RBFOX1: variants seen among roughly 807,000 people sequenced by gnomAD.
The protein encoded by RBFOX1 is RNA binding protein fox-1 homolog 1.
A neutral mutation model predicts 57.7 loss-of-function variants in RBFOX1; 8 were observed. That is an observed-to-expected ratio of 0.14 (90% CI 0.08 to 0.25). The LOEUF (loss-of-function observed/expected upper bound fraction) is 0.25. Among genes scored for constraint, RBFOX1 ranks in the 10% least tolerant of loss-of-function variants. RBFOX1 has a pLI of 1.00. For synonymous variants in RBFOX1, 326 were observed against 222.4 expected, an observed-to-expected ratio of 1.47 and a Z score of -4.15; for missense variants, 611 against 548.5, an observed-to-expected ratio of 1.11 and a Z score of -1.14.
intron 4 of RBFOX1, among the ~76,000 whole-genome samples, chr16:7,262,445 A>G (rs1350085481): frequency 6.6e-6 from 1 of 152,254 alleles, no homozygotes; most frequent in Non-Finnish European, 1.5e-5. Context: ...AAGGTAAATA[A>G]CTGGATATAT....
At chr16:7,693,365 C>A in intron 14 of RBFOX1, 1 of 1,608,716 alleles carries the variant, frequency 6.2e-7, no homozygotes, top group Non-Finnish European at 8.5e-7. Context: ...AACACCTCTG[C>A]AGGTAACAAA....
chr16:5,938,435 G>A (rs376968690), intron 4 of RBFOX1, among the ~76,000 whole-genome samples: 2 of 152,124 alleles, frequency 1.3e-5, no homozygotes, highest in South Asian at 4.1e-4. Flanking sequence ...GCTGCTGATG[G>A]TGATGGTCAT....
At chr16:7,429,843 A>T (rs2098661302) in intron 4 of RBFOX1, among the ~76,000 whole-genome samples, 2 of 152,192 alleles carry the variant, frequency 1.3e-5, no homozygotes, top group Admixed American at 6.5e-5. Context: ...TCCAACTAAT[A>T]ATTATTGAGA....
chr16:6,787,515 G>A (rs910293241), intron 3 of RBFOX1, among the ~76,000 whole-genome samples: 1 of 152,070 alleles, frequency 6.6e-6, no homozygotes, highest in African/African-American at 2.4e-5. Context: ...CTGTATGCTG[G>A]GCAATAGAAA....
At chr16:7,489,142 CTCTG>C (rs1488719253) in intron 4 of RBFOX1, among the ~76,000 whole-genome samples, 2 of 152,170 alleles carry the variant, frequency 1.3e-5, no homozygotes, top group Non-Finnish European at 2.9e-5. Flanking sequence ...GTTTCTCTGC[CTCTG>C]TCTGTCTCTG....
intron 14 of RBFOX1, among the ~76,000 whole-genome samples, chr16:7,679,088 G>C (rs574623504): frequency 6.6e-6 from 1 of 152,196 alleles, no homozygotes; most frequent in East Asian, 1.9e-4. Context: ...ATTCATTGAA[G>C]TAAATTAATT....
chr16:7,518,811 A>G (rs1386981108), intron 5 of RBFOX1, among the ~76,000 whole-genome samples: 1 of 152,110 alleles, frequency 6.6e-6, no homozygotes. Context: ...TCGTTTGAAG[A>G]CAGGAGTTCG....
intron 1 of RBFOX1, among the ~76,000 whole-genome samples, chr16:6,128,835 G>C (rs145441304): frequency 2.6e-5 from 4 of 152,270 alleles, no homozygotes; most frequent in African/African-American, 9.6e-5. Context: ...CCCAGAGTTG[G>C]GAGACCTTAT....
At chr16:7,345,586 T>G (rs1014001882) in intron 4 of RBFOX1, among the ~76,000 whole-genome samples, 3 of 152,114 alleles carry the variant, frequency 2.0e-5, no homozygotes, top group African/African-American at 7.2e-5. Context: ...TTGGATGTGT[T>G]CACCCATCAT....
intron 3 of RBFOX1, among the ~76,000 whole-genome samples, chr16:7,013,333 C>T (rs551814371): frequency 9.2e-5 from 14 of 152,268 alleles, no homozygotes; most frequent in South Asian, 6.2e-4. Flanking sequence ...TCATGTTATA[C>T]GTGCAATAAA....
intron 4 of RBFOX1, among the ~76,000 whole-genome samples, chr16:7,435,404 T>G (rs564468787): frequency 6.6e-6 from 1 of 152,116 alleles, no homozygotes; most frequent in African/African-American, 2.4e-5. Flanking sequence ...AAATGACTTA[T>G]CGCTGTTGAT....
At chr16:7,684,474 G>A (rs1483016528) in intron 14 of RBFOX1, among the ~76,000 whole-genome samples, 2 of 151,960 alleles carry the variant, frequency 1.3e-5, no homozygotes, top group African/African-American at 2.4e-5. Flanking sequence ...ACAGATTTCT[G>A]AAAGCTGAAA....
chr16:5,793,335 G>C (rs548991264), intron 3 of RBFOX1, among the ~76,000 whole-genome samples: 2 of 152,218 alleles, frequency 1.3e-5, no homozygotes, highest in African/African-American at 4.8e-5. Context: ...GTCTTTTCTT[G>C]TTTTGTCAAC....
intron 1 of RBFOX1, among the ~76,000 whole-genome samples, chr16:5,288,940 C>T (rs144480699): frequency 2.0e-5 from 3 of 152,150 alleles, no homozygotes; most frequent in East Asian, 3.9e-4. Flanking sequence ...TTGCGGCCAA[C>T]ATGGTGAAAC....
intron 3 of RBFOX1, among the ~76,000 whole-genome samples, chr16:5,624,065 A>C (rs1271905539): frequency 1.3e-5 from 2 of 152,208 alleles, no homozygotes; most frequent in African/African-American, 4.8e-5. Context: ...ACCCCATTTT[A>C]CAGAAGAGCA....
At chr16:5,914,391 G>A (rs1236759495) in intron 4 of RBFOX1, among the ~76,000 whole-genome samples, 2 of 152,198 alleles carry the variant, frequency 1.3e-5, no homozygotes, top group African/African-American at 2.4e-5. Flanking sequence ...CTGTCAGCCA[G>A]GGCTGCAGTC....
chr16:7,024,897 T>C (rs1201815774), intron 3 of RBFOX1, among the ~76,000 whole-genome samples: 1 of 152,156 alleles, frequency 6.6e-6, no homozygotes, highest in Non-Finnish European at 1.5e-5. Flanking sequence ...AGAAGTCACC[T>C]GCTGCACTCC....
chr16:6,450,839 G>GTA (rs1202016714), intron 2 of RBFOX1, among the ~76,000 whole-genome samples: 570 of 13,550 alleles, frequency 0.042, 15 homozygotes, highest in Middle Eastern at 0.071. Flanking sequence ...ATATATATGT[G>GTA]TATATATATA....
In RBFOX1 at chr16:6,773,831, T is replaced by C. The variant is rs954818258; in HGVS notation, c.-16+119181T>C. The C allele has an allele frequency of 3.1e-5, 11 of 356,376 alleles. No homozygotes were observed. In the Admixed American group the frequency reaches 6.5e-4, roughly 21 times the overall value. 22.1% of individuals were successfully genotyped at this position (356,376 alleles called of 1,614,324 possible). A position where few individuals can be genotyped will look rare whatever the true frequency, so the allele number is the denominator to read the frequency against. On this transcript the variant is annotated intron_variant, in intron 3 of 15. Coordinates refer to ENST00000550418, the MANE Select transcript of RBFOX1 (RefSeq NM_018723.4). Reference sequence around the variant, plus strand: ...TTGGTGCATTTGTGTTGTGGGGGCATGGGGTGCATTTGTGTGTATATATGT... The same window carrying C: ...TTGGTGCATTTGTGTTGTGGGGGCACGGGGTGCATTTGTGTGTATATATGT...
Sources: gnomAD v4.1 joint callset for allele counts (sites outside exome capture counted in the v4.1 genomes callset) on GRCh38, gnomAD v4.1.1 for gene constraint, MANE v1.5 for transcripts, NCBI Gene and HGNC (gene_info 2026-07-23, HGNC 2026-07-21) for gene names.